TYW1: variants seen among roughly 807,000 people sequenced by gnomAD.
The protein encoded by TYW1 is S-adenosyl-L-methionine-dependent tRNA 4-demethylwyosine synthase TYW1.
A neutral mutation model predicts 96.2 loss-of-function variants in TYW1; 46 were observed. The ratio of observed to expected loss-of-function variants is 0.48; its 90% CI spans 0.38 to 0.61. The LOEUF is 0.61. TYW1 is among the 20% of genes least tolerant of loss of function. The pLI, the probability that TYW1 is intolerant of heterozygous loss-of-function variation, is 0.00. For missense variants in TYW1, 684 were observed against 909.6 expected, an observed-to-expected ratio of 0.75 and a Z score of 3.19; for synonymous variants, 274 against 323.0, an observed-to-expected ratio of 0.85 and a Z score of 1.63.
At chr7:67,123,473 A>G (rs1797820919) in intron 13 of TYW1, among the ~76,000 whole-genome samples, 2 of 152,332 alleles carry the variant, frequency 1.3e-5, no homozygotes, top group African/African-American at 4.8e-5. Flanking sequence ...TTTACCTAAT[A>G]TCGTTTTAGA....
At chr7:67,149,764 A>ATCTC (rs1563041632) in intron 13 of TYW1, among the ~76,000 whole-genome samples, 7 of 83,256 alleles carry the variant, frequency 8.4e-5, no homozygotes, top group Non-Finnish European at 1.3e-4. Context: ...CTATCTATCT[A>ATCTC]TCTATCTATC....
At chr7:67,141,447 G>T (rs2116113663) in intron 13 of TYW1, among the ~76,000 whole-genome samples, 1 of 152,294 alleles carries the variant, frequency 6.6e-6, no homozygotes, top group Admixed American at 6.5e-5. Flanking sequence ...AGCACCATTT[G>T]GTACAGTGGC....
chr7:67,200,552 T>G (rs1490881681), intron 15 of TYW1, among the ~76,000 whole-genome samples: 11 of 152,130 alleles, frequency 7.2e-5, no homozygotes, highest in Admixed American at 7.2e-4. Flanking sequence ...CATGATTCAG[T>G]TATCTCCCAC....
At position 67,191,538 on chromosome 7, in the gene TYW1, A is replaced by C. The variant is rs1235577475; in HGVS notation, c.1810-3632A>C. Among the ~76,000 whole-genome samples, 4 of 141,546 alleles carry C rather than the reference A, an allele frequency of 2.8e-5. No individual in the cohort carries two copies. The East Asian group carries it at 7.8e-4, about 28-fold the overall frequency. The allele number at this position is 141,546 out of a possible 152,430, so 92.9% of individuals were successfully genotyped here. ...TGGTGAAGAACTTGCTGCTTCTGAT[A>C]AATGGAGTTGGGGGTGAGGGTGAGG... On this transcript the variant is annotated intron_variant, in intron 14 of 15. Transcript: ENST00000359626.
At chr7:67,003,016 C>T (rs912988912) in intron 3 of TYW1, among the ~76,000 whole-genome samples, 18 of 152,074 alleles carry the variant, frequency 1.2e-4, no homozygotes, top group Middle Eastern at 3.4e-3. Flanking sequence ...AGTGATTCAC[C>T]CGCCTCGGCC....
intron 15 of TYW1, among the ~76,000 whole-genome samples, chr7:67,201,546 T>C (rs1477550524): frequency 6.6e-6 from 1 of 150,784 alleles, no homozygotes; most frequent in East Asian, 1.9e-4. Flanking sequence ...TGAGTGATTG[T>C]GATGGTGTCG....
intron 5 of TYW1, among the ~76,000 whole-genome samples, chr7:67,014,993 C>T (rs1328046322): frequency 6.6e-6 from 1 of 150,700 alleles, no homozygotes; most frequent in Non-Finnish European, 1.5e-5. Flanking sequence ...AGCCACCGTG[C>T]CCGGCCTCTT....
At chr7:67,201,979 G>A (rs1319801014) in intron 15 of TYW1, among the ~76,000 whole-genome samples, 2 of 152,140 alleles carry the variant, frequency 1.3e-5, no homozygotes, top group African/African-American at 4.8e-5. Context: ...GTGTCACTGC[G>A]TTCCTCTTTA....
intron 7 of TYW1, among the ~76,000 whole-genome samples, chr7:67,041,370 A>G (rs1435074273): frequency 6.6e-6 from 1 of 151,446 alleles, no homozygotes; most frequent in African/African-American, 2.4e-5. Flanking sequence ...GTGGCACAAT[A>G]TCATCTCATG....
At chr7:67,187,052 ATTTTTTTT>A (rs750086247) in intron 14 of TYW1, among the ~76,000 whole-genome samples, 62 of 100,920 alleles carry the variant, frequency 6.1e-4, no homozygotes, top group Admixed American at 2.4e-3. Context: ...CCACAATTAA[ATTTTTTTT>A]TTTTTTTTTT....
At position 67,055,913 on chromosome 7, in the gene TYW1, T is replaced by C. The variant is rs762775107; in HGVS notation, c.1155+26T>C. 8.2e-6 allele frequency: 13 copies of C among 1,592,174 alleles called. No individual in the cohort carries two copies. The East Asian group carries it at 2.9e-4, about 36-fold the overall frequency. On this transcript the variant is annotated intron_variant, in intron 9 of 15. Coordinates refer to ENST00000359626, the MANE Select transcript of TYW1 (RefSeq NM_018264.4). ...GTATTTTTTTTGTTTTTATTCAATA[T>C]GTCTATTACATGCAACTTTTAAATA...
chr7:67,182,845 G>C (rs1359161599), intron 13 of TYW1, among the ~76,000 whole-genome samples: 1 of 151,958 alleles, frequency 6.6e-6, no homozygotes, highest in African/African-American at 2.4e-5. Flanking sequence ...AATTCAGTGT[G>C]TCTGTGTCAA....
At chr7:67,014,259 A>G in intron 4 of TYW1, 108 bp from the exon 5 acceptor site, 2 of 1,407,398 alleles carry the variant, frequency 1.4e-6, no homozygotes, top group South Asian at 2.9e-5. Flanking sequence ...ATGTTTATGA[A>G]GGTGCCCTTT....
At chr7:67,221,595 T>C (rs1801393089) in intron 15 of TYW1, among the ~76,000 whole-genome samples, 1 of 152,240 alleles carries the variant, frequency 6.6e-6, no homozygotes, top group Non-Finnish European at 1.5e-5. Context: ...TTGTGTTGAG[T>C]TGATTCTTTG....
At chr7:67,006,170 G>A (rs1161910202) in intron 3 of TYW1, among the ~76,000 whole-genome samples, 2 of 152,114 alleles carry the variant, frequency 1.3e-5, no homozygotes, top group Non-Finnish European at 2.9e-5. Flanking sequence ...TGCATGAGAG[G>A]TTTAGCACCA....
At chr7:67,227,495 GA>G (rs1801601633) in intron 15 of TYW1, among the ~76,000 whole-genome samples, 1 of 152,124 alleles carries the variant, frequency 6.6e-6, no homozygotes, top group Non-Finnish European at 1.5e-5. Context: ...GACCTCAGGT[GA>G]TCCTCCCACC....
At chr7:67,111,439 G>C (rs1261022362) in intron 12 of TYW1, among the ~76,000 whole-genome samples, 1 of 152,184 alleles carries the variant, frequency 6.6e-6, no homozygotes, top group African/African-American at 2.4e-5. Flanking sequence ...GACCTCAAGT[G>C]ATCTGCCCCT....
In TYW1 at chr7:67,059,528, GC is replaced by G. The variant is rs1337107833; in HGVS notation, c.1155+3642del. 7.3e-5 allele frequency among the ~76,000 whole-genome samples: 11 copies of G among 150,918 alleles called. No homozygotes were observed. The East Asian group carries it at 1.8e-3, about 24-fold the overall frequency. On this transcript the variant is annotated intron_variant, in intron 9 of 15. Transcript: ENST00000359626. ...CTGAGGGTAGGCTGGCAGTTGCTGG[GC>G]AGATGACGTTGGCAGAGAAGCATTT...
intron 12 of TYW1, among the ~76,000 whole-genome samples, chr7:67,113,673 C>G (rs534329718): frequency 2.8e-5 from 4 of 143,772 alleles, no homozygotes; most frequent in African/African-American, 7.9e-5. Flanking sequence ...GAGTCTTGCT[C>G]TGTTGCCCAG....
Sources: gnomAD v4.1 joint callset for allele counts (sites outside exome capture counted in the v4.1 genomes callset) on GRCh38, gnomAD v4.1.1 for gene constraint, MANE v1.5 for transcripts, NCBI Gene and HGNC (gene_info 2026-07-23, HGNC 2026-07-21) for gene names.